Variants in SLC3A1 observed in about 807,000 individuals in gnomAD.
The protein encoded by SLC3A1 is solute carrier family 3 member 1.
SLC3A1 carries 78 observed loss-of-function variants against 60.3 expected under a neutral mutation model. The ratio of observed to expected loss-of-function variants is 1.29; its 90% CI spans 1.08 to 1.56. The LOEUF (loss-of-function observed/expected upper bound fraction) is 1.56, where lower values mean the gene tolerates loss of function less well. SLC3A1 is among the 40% of genes most tolerant of loss of function. The pLI is 0.00. For synonymous variants in SLC3A1, 392 were observed against 307.9 expected, an observed-to-expected ratio of 1.27 and a Z score of -2.86; for missense variants, 1,172 against 858.9, an observed-to-expected ratio of 1.36 and a Z score of -4.56.
Position 44,286,012 on chromosome 2 carries a change from C to T in SLC3A1, c.766-20C>T, listed in dbSNP as rs376859761. ...AATACCATTATAGGTCACTGATGTG[C>T]TGTTTTCTTTGTTTGCCAGTTAAGT... On this transcript the variant is annotated intron_variant, in intron 3 of 9. Coordinates refer to ENST00000260649, the MANE Select transcript of SLC3A1 (RefSeq NM_000341.4). The T allele has an allele frequency of 6.2e-7, 1 of 1,613,922 alleles. No homozygotes were observed. The highest frequency in any genetic ancestry group is 1.3e-5 in the African/African-American group (1 of 75,028).
chr2:44,309,313 T>C (rs1041485697), intron 7 of SLC3A1, among the ~76,000 whole-genome samples: 5 of 152,178 alleles, frequency 3.3e-5, no homozygotes, highest in Non-Finnish European at 7.3e-5. Context: ...ATAACAATAT[T>C]TGTCCTTTTG....
chr2:44,291,152 A>G (rs1206050513), intron 4 of SLC3A1, among the ~76,000 whole-genome samples: 1 of 152,184 alleles, frequency 6.6e-6, no homozygotes, highest in African/African-American at 2.4e-5. Flanking sequence ...GCTTTGAGGC[A>G]ATGTATGTGT....
chr2:44,289,906 C>A (rs1205292591), intron 4 of SLC3A1, among the ~76,000 whole-genome samples: 1 of 152,098 alleles, frequency 6.6e-6, no homozygotes, highest in Non-Finnish European at 1.5e-5. Context: ...GCAGGGATTA[C>A]AGGCATGAGC....
In SLC3A1 at chr2:44,275,732, C is replaced by T. The variant is rs773065474; in HGVS notation, c.197C>T (p.Ala66Val). 23 of 1,614,084 alleles carry T rather than the reference C, an allele frequency of 1.4e-5. No individual in the cohort carries two copies. The Middle Eastern group carries it at 6.6e-4, about 46-fold the overall frequency. ...EPDFKGVQPYAGMPKEVLFQF... is the reference protein window; with the variant it reads ...EPDFKGVQPYVGMPKEVLFQF... The stretch of plus-strand genomic sequence containing the variant: ...GACTTCAAGGGCGTCCAGCCCTATG[C>T]GGGGATGCCCAAGGAGGTGCTGTTC... The change falls in exon 1 of 10, where the codon GCG (alanine) becomes GTG (valine). Residue 66 changes from alanine (A) to valine (V), a missense_variant. Transcript: ENST00000260649.
chr2:44,301,829 C>T (rs769148568), intron 6 of SLC3A1, among the ~76,000 whole-genome samples: 4 of 151,080 alleles, frequency 2.6e-5, no homozygotes, highest in Non-Finnish European at 4.4e-5. Context: ...TGTGTGAGGT[C>T]GAGGCTGGTG....
At position 44,320,526 on chromosome 2, in the gene SLC3A1, G is replaced by C. The variant is rs1484579709; in HGVS notation, c.1945G>C (p.Glu649Gln). 5.0e-6 allele frequency: 8 copies of C among 1,613,994 alleles called. No individual in the cohort carries two copies. In the African/African-American group the frequency reaches 1.1e-4, roughly 22 times the overall value. The change falls in exon 10 of 10, where the codon GAA becomes CAA. Residue 649 changes from glutamate (E) to glutamine (Q), a missense_variant. Transcript: ENST00000260649. Reference protein sequence around the residue: ...FLDKGEGLIFEHNTKNLLHRQ... With the variant: ...FLDKGEGLIFQHNTKNLLHRQ... ...GGACAAGGGAGAGGGACTCATCTTT[G>C]AACACAACACGAAGAATCTCCTTCA... is the stretch of plus-strand genomic sequence containing the variant.
intron 7 of SLC3A1, among the ~76,000 whole-genome samples, chr2:44,305,488 C>G (rs111683615): frequency 6.9e-6 from 1 of 144,496 alleles, no homozygotes; most frequent in Non-Finnish European, 1.5e-5. Flanking sequence ...GAGTGCATGG[C>G]GTGATCTTGG....
chr2:44,312,677 C>T lies in SLC3A1; in HGVS notation c.1424C>T (p.Thr475Ile). Residue 475 changes from threonine to isoleucine, a missense_variant, in exon 8 of 10, where the codon ACT becomes ATT. By Grantham distance (89) the Thr-to-Ile change is moderately conservative. Coordinates refer to ENST00000260649, the MANE Select transcript of SLC3A1 (RefSeq NM_000341.4). The stretch of plus-strand genomic sequence containing the variant: ...ATGCTTCTTTTCACACTCCCTGGAA[C>T]TCCTATAACTTACTATGGAGAAGAA... ...MNMLLFTLPG[T>I]PITYYGEEIG... The T allele has an allele frequency of 6.2e-7, 1 of 1,613,440 alleles. No individual in the cohort carries two copies. Among genetic ancestry groups the T allele is most frequent in the Non-Finnish European group, 8.5e-7 (1 of 1,179,428 alleles).
At chr2:44,302,850 A>C (rs1672049606) in intron 6 of SLC3A1, among the ~76,000 whole-genome samples, 2 of 152,286 alleles carry the variant, frequency 1.3e-5, no homozygotes, top group Non-Finnish European at 2.9e-5. Context: ...TAGTGTCAGG[A>C]TGTTACTGAA....
intron 9 of SLC3A1, among the ~76,000 whole-genome samples, chr2:44,315,753 G>C (rs961715925): frequency 6.6e-6 from 1 of 150,696 alleles, no homozygotes; most frequent in African/African-American, 2.4e-5. Context: ...GGAATTTCCT[G>C]AACTCCTGCA....
intron 4 of SLC3A1, among the ~76,000 whole-genome samples, chr2:44,298,196 T>C (rs1253385015): frequency 6.6e-6 from 1 of 150,756 alleles, no homozygotes; most frequent in African/African-American, 2.4e-5. Context: ...TTAAAAAAAA[T>C]GTTAAGTCAG....
At chr2:44,309,630 C>A (rs1245126581) in intron 7 of SLC3A1, among the ~76,000 whole-genome samples, 1 of 152,170 alleles carries the variant, frequency 6.6e-6, no homozygotes, top group Non-Finnish European at 1.5e-5. Context: ...GATGGAGTCT[C>A]ACTGTATCAC....
At chr2:44,311,337 G>A (rs1339536203) in intron 7 of SLC3A1, among the ~76,000 whole-genome samples, 5 of 151,944 alleles carry the variant, frequency 3.3e-5, no homozygotes, top group Non-Finnish European at 7.4e-5. Flanking sequence ...AATATTAGCT[G>A]GTTTAAAATC....
In SLC3A1 at chr2:44,304,296, C is replaced by G; in HGVS notation, c.1290C>G (p.Ser430=). ...SGNSVYEVIT[S]WMENMPEGKW... Reference sequence around the variant, plus strand: ...ACAGCGTGTATGAGGTTATCACATCCTGGATGGAAAACATGCCAGAAGGAA... The same window carrying G: ...ACAGCGTGTATGAGGTTATCACATCGTGGATGGAAAACATGCCAGAAGGAA... The change falls in exon 7 of 10, where the codon TCC becomes TCG. Residue 430 remains serine, a synonymous_variant. Coordinates refer to ENST00000260649, the MANE Select transcript of SLC3A1 (RefSeq NM_000341.4). The G allele has an allele frequency of 6.2e-7, 1 of 1,614,198 alleles. No homozygotes were observed. The highest frequency in any genetic ancestry group is 8.5e-7 in the Non-Finnish European group (1 of 1,180,014).
Position 44,313,869 on chromosome 2 carries a change from A to G in SLC3A1, c.1535A>G (p.Asp512Gly), listed in dbSNP as rs1262830906. The change falls in exon 9 of 10, where the codon GAC becomes GGC. Residue 512 changes from aspartate (D) to glycine (G), a missense_variant. By Grantham distance (94) the Asp-to-Gly change is moderately conservative. Transcript: ENST00000260649. ...TLRSKSPMQW[D>G]NSSNAGFSEA... The stretch of plus-strand genomic sequence containing the variant: ...CGCTCAAAGTCACCAATGCAGTGGG[A>G]CAATAGTTCAAATGCTGGTTTTTCT... 6.2e-7 allele frequency: 1 copy of G among 1,614,090 alleles called. No individual in the cohort carries two copies. Among genetic ancestry groups the G allele is most frequent in the East Asian group, 2.2e-5 (1 of 44,868 alleles).
intron 4 of SLC3A1, among the ~76,000 whole-genome samples, chr2:44,299,385 C>CT (rs1671942672): frequency 6.6e-6 from 1 of 152,172 alleles, no homozygotes; most frequent in African/African-American, 2.4e-5. Flanking sequence ...ACACTAGTAT[C>CT]TGAGTTTTAC....
At chr2:44,285,906 T>C (rs1203535918) in intron 3 of SLC3A1, 126 bp from the exon 4 acceptor site, 2 of 1,249,782 alleles carry the variant, frequency 1.6e-6, no homozygotes, top group Non-Finnish European at 2.4e-6. Context: ...AACCTGCTGC[T>C]CTCTGTAGAA....
chr2:44,316,757 AAAG>A (rs1338266486), intron 9 of SLC3A1, among the ~76,000 whole-genome samples: 1 of 152,240 alleles, frequency 6.6e-6, no homozygotes, highest in East Asian at 1.9e-4. Flanking sequence ...CTCTATCTTC[AAAG>A]TTGTAATGGA....
intron 9 of SLC3A1, chr2:44,314,181 G>A (rs919952903): frequency 1.8e-6 from 2 of 1,088,578 alleles, no homozygotes; most frequent in African/African-American, 3.2e-5. Context: ...GAATATACAA[G>A]TCTTCATTGC....
Sources: gnomAD v4.1 joint callset for allele counts (sites outside exome capture counted in the v4.1 genomes callset) on GRCh38, gnomAD v4.1.1 for gene constraint, MANE v1.5 for transcripts, NCBI Gene and HGNC (gene_info 2026-07-23, HGNC 2026-07-21) for gene names.